Variants in MAP3K13 observed in about 807,000 individuals in gnomAD.
The protein encoded by MAP3K13 is mitogen-activated protein kinase kinase kinase 13.
MAP3K13 carries 52 observed loss-of-function variants against 104.0 expected under a neutral mutation model. The observed-to-expected ratio is 0.50, with a 90% CI of 0.40 to 0.63. MAP3K13 has a LOEUF of 0.63. MAP3K13 is among the 20% of genes least tolerant of loss of function. MAP3K13 has a pLI of 0.00. For missense variants in MAP3K13, 914 were observed against 1,218.5 expected (o/e 0.75, Z 3.72); for synonymous variants, 394 against 442.2 (o/e 0.89, Z 1.37).
chr3:185,355,958 TCATTTAAGTGAA>T (rs1277713846), intron 2 of MAP3K13, among the ~76,000 whole-genome samples: 1 of 152,202 alleles, frequency 6.6e-6, no homozygotes, highest in East Asian at 1.9e-4. Flanking sequence ...TTACAGTGAG[TCATTTAAGTGAA>T]CATTTAAGTA....
chr3:185,349,114 T>C (rs1459591994), intron 2 of MAP3K13, among the ~76,000 whole-genome samples: 1 of 151,900 alleles, frequency 6.6e-6, no homozygotes, highest in African/African-American at 2.4e-5. Flanking sequence ...AAGGCTTCCA[T>C]TTCTACTTAT....
chr3:185,323,458 C>T (rs531943097), intron 2 of MAP3K13, among the ~76,000 whole-genome samples: 2 of 151,864 alleles, frequency 1.3e-5, no homozygotes, highest in South Asian at 2.1e-4. Flanking sequence ...CTCTGCCTCC[C>T]GAGTAGCTGG....
intron 2 of MAP3K13, among the ~76,000 whole-genome samples, chr3:185,308,583 G>C (rs2108684781): frequency 1.3e-5 from 2 of 152,252 alleles, no homozygotes; most frequent in South Asian, 4.2e-4. Flanking sequence ...TGTGCTGCAG[G>C]TTCTCAGGTG....
chr3:185,449,971 T>C lies in MAP3K13; in HGVS notation c.1082T>C (p.Ile361Thr). The change falls in exon 6 of 14, where the codon ATT becomes ACT. Residue 361 changes from isoleucine to threonine, a missense_variant. Transcript: ENST00000265026. ...IPYKDVDSSA[I>T]IWGVGSNSLH... ...TACAAAGATGTAGATTCTTCAGCCATTATCTGGGGTGTTGGAAGCAACAGC... is the reference window on the plus strand; with the variant it reads ...TACAAAGATGTAGATTCTTCAGCCACTATCTGGGGTGTTGGAAGCAACAGC... 1 of 1,613,848 alleles carries C rather than the reference T, an allele frequency of 6.2e-7. No homozygotes were observed. Among genetic ancestry groups the C allele is most frequent in the East Asian group, 2.2e-5 (1 of 44,852 alleles).
intron 2 of MAP3K13, among the ~76,000 whole-genome samples, chr3:185,310,583 A>G (rs1721464082): frequency 6.6e-6 from 1 of 152,198 alleles, no homozygotes; most frequent in African/African-American, 2.4e-5. Context: ...ACTAAAATAA[A>G]AAAACATGAT....
At chr3:185,286,015 T>C (rs1720496129) in intron 2 of MAP3K13, among the ~76,000 whole-genome samples, 1 of 152,168 alleles carries the variant, frequency 6.6e-6, no homozygotes, top group Non-Finnish European at 1.5e-5. Context: ...CAAGTTTCGC[T>C]GTGTAATAGT....
intron 5 of MAP3K13, 125 bp downstream of exon 5, chr3:185,448,072 T>C: frequency 9.2e-7 from 1 of 1,085,706 alleles, no homozygotes; most frequent in Non-Finnish European, 1.4e-6. Flanking sequence ...TTGGTTGATT[T>C]CAGCCTCATA....
Position 185,283,749 on chromosome 3 carries a change from G to T in MAP3K13, c.-205+722G>T, listed in dbSNP as rs60901088. Reference sequence around the variant, plus strand: ...AGTCATTTACTTTGGCTTCTTTCAGGTTCCTTTACTTTTCTGGGAAGAACT... The same window carrying T: ...AGTCATTTACTTTGGCTTCTTTCAGTTTCCTTTACTTTTCTGGGAAGAACT... On this transcript the variant is annotated intron_variant, in intron 1 of 14. Transcript: ENST00000424227. Among the ~76,000 whole-genome samples the T allele has an allele frequency of 4.5e-3, 682 of 152,218 alleles. 7 individuals carry two copies. Among genetic ancestry groups the T allele is most frequent in the African/African-American group, 0.015 (642 of 41,532 alleles).
At chr3:185,378,217 C>A (rs1253200479) in intron 1 of MAP3K13, among the ~76,000 whole-genome samples, 1 of 152,144 alleles carries the variant, frequency 6.6e-6, no homozygotes, top group Non-Finnish European at 1.5e-5. Flanking sequence ...ATTTTTGGAG[C>A]TTTATTTAAT....
At chr3:185,368,775 G>A (rs1483246518) in intron 1 of MAP3K13, among the ~76,000 whole-genome samples, 2 of 152,040 alleles carry the variant, frequency 1.3e-5, no homozygotes, top group African/African-American at 2.4e-5. Context: ...TGACCAACAC[G>A]GAGAAACCCT....
intron 7 of MAP3K13, among the ~76,000 whole-genome samples, chr3:185,454,706 T>TGAGA (rs796261591): frequency 1.1e-4 from 1 of 9,296 alleles, no homozygotes; most frequent in South Asian, 5.5e-3. Context: ...GATATATATA[T>TGAGA]CATATATGAG....
chr3:185,344,074 A>G (rs1722823850), intron 2 of MAP3K13, among the ~76,000 whole-genome samples: 1 of 152,222 alleles, frequency 6.6e-6, no homozygotes, highest in African/African-American at 2.4e-5. Flanking sequence ...ATTGCTATTG[A>G]ATGTTTCCCA....
chr3:185,347,384 A>G (rs1230661789), intron 2 of MAP3K13, among the ~76,000 whole-genome samples: 5 of 152,220 alleles, frequency 3.3e-5, no homozygotes, highest in Non-Finnish European at 1.5e-5. Flanking sequence ...TGTTCTGTGT[A>G]GCTTAATCTA....
rs553834140 is a variant in MAP3K13 at position 185,322,364 on chromosome 3, T to G, written c.-86+36721T>G. Among the ~76,000 whole-genome samples the G allele has an allele frequency of 2.2e-4, 34 of 152,348 alleles. 1 individual carries two copies. Among genetic ancestry groups the G allele is most frequent in the African/African-American group, 7.2e-4 (30 of 41,578 alleles). Reference sequence around the variant, plus strand: ...GTCTCTGTCTCTTTTTGTGATCATCTTGTCATCTTTTGTGTATCTTTGTTT... The same window carrying G: ...GTCTCTGTCTCTTTTTGTGATCATCGTGTCATCTTTTGTGTATCTTTGTTT... On this transcript the variant is annotated intron_variant, in intron 2 of 14. Coordinates refer to the MAP3K13 transcript ENST00000424227.
intron 2 of MAP3K13, among the ~76,000 whole-genome samples, chr3:185,336,363 G>GA (rs1439158065): frequency 6.6e-6 from 1 of 151,914 alleles, no homozygotes; most frequent in Non-Finnish European, 1.5e-5. Flanking sequence ...CCAACATGGT[G>GA]AAACCCCATC....
At chr3:185,350,254 C>A (rs771434178) in intron 2 of MAP3K13, among the ~76,000 whole-genome samples, 1 of 152,168 alleles carries the variant, frequency 6.6e-6, no homozygotes, top group East Asian at 1.9e-4. Flanking sequence ...GGCGCGATCT[C>A]GGCTCACGGC....
At chr3:185,283,002 C>A (rs968984616) in exon 1 of MAP3K13, 1 of 152,286 alleles carries the variant, frequency 6.6e-6, no homozygotes, top group Admixed American at 6.5e-5. Context: ...GTCTGGGATG[C>A]GCTGGGAGCC....
At position 185,418,443 on chromosome 3, in the gene MAP3K13, A is replaced by T. The variant is rs1197354039; in HGVS notation, c.-85-10054A>T. 1.9e-6 allele frequency: 3 copies of T among 1,610,300 alleles called. No individual in the cohort carries two copies. The highest frequency in any genetic ancestry group is 2.5e-6 in the Non-Finnish European group (3 of 1,178,332). On this transcript the variant is annotated intron_variant, in intron 1 of 13. Transcript: ENST00000265026. This position sits in a 1 kb window ranked among gnomAD's most constrained non-coding sequence, Gnocchi z 4.5. Reference sequence around the variant, plus strand: ...GTTTTTGGGTTGTGTTCACTCTACGATGCCAACGGCGCCAGGTTTTGGTTG... The same window carrying T: ...GTTTTTGGGTTGTGTTCACTCTACGTTGCCAACGGCGCCAGGTTTTGGTTG...
In MAP3K13 at chr3:185,450,962, T is replaced by C. The variant is rs989257122; in HGVS notation, c.1170-325T>C. 5.3e-5 allele frequency among the ~76,000 whole-genome samples: 8 copies of C among 151,972 alleles called. No homozygotes were observed. The highest frequency in any genetic ancestry group is 1.9e-4 in the East Asian group (1 of 5,178). ...AAAATTAGCCAGGTCTGGTGGCGGGTGCCTGTAGTCCCAGCTACTCAGGAG... is the reference window on the plus strand; with the variant it reads ...AAAATTAGCCAGGTCTGGTGGCGGGCGCCTGTAGTCCCAGCTACTCAGGAG... On this transcript the variant is annotated intron_variant, in intron 6 of 13. Coordinates refer to ENST00000265026, the MANE Select transcript of MAP3K13 (RefSeq NM_004721.5). This position sits in a 1 kb window ranked among gnomAD's most constrained non-coding sequence, Gnocchi z 4.2.
Sources: allele counts gnomAD v4.1 joint callset (sites outside exome capture counted in the v4.1 genomes callset), GRCh38; gene constraint gnomAD v4.1.1; non-coding constraint Gnocchi (gnomAD v3.1); transcripts MANE v1.5; gene names NCBI Gene and HGNC (gene_info 2026-07-23, HGNC 2026-07-21).